MARCHF3: variants seen among roughly 807,000 people sequenced by gnomAD.
MARCHF3 encodes E3 ubiquitin-protein ligase MARCHF3.
In MARCHF3, 13 loss-of-function variants were observed where a neutral mutation model predicts 24.2. That is an observed-to-expected ratio of 0.54 (90% CI 0.35 to 0.85). MARCHF3 has a LOEUF of 0.85. Among genes scored for constraint, MARCHF3 ranks in the 40% least tolerant of loss-of-function variants. The pLI, the probability that MARCHF3 is intolerant of heterozygous loss-of-function variation, is 0.01. For missense variants in MARCHF3, 276 were observed against 325.0 expected, an observed-to-expected ratio of 0.85 and a Z score of 1.16; for synonymous variants, 144 against 137.3, an observed-to-expected ratio of 1.05 and a Z score of -0.34.
chr5:126,969,746 C>T (rs1195197045), intron 1 of MARCHF3, among the ~76,000 whole-genome samples: 2 of 152,314 alleles, frequency 1.3e-5, no homozygotes, highest in African/African-American at 4.8e-5. Context: ...TTTATAAAAA[C>T]CCAGATTCCT....
intron 1 of MARCHF3, among the ~76,000 whole-genome samples, chr5:126,992,460 T>C (rs1751799037): frequency 6.6e-6 from 1 of 152,188 alleles, no homozygotes; most frequent in Admixed American, 6.5e-5. Context: ...AAATAATCAT[T>C]TTCCGTTTGC....
chr5:126,994,024 T>A (rs1376936803), intron 1 of MARCHF3, among the ~76,000 whole-genome samples: 1 of 152,156 alleles, frequency 6.6e-6, no homozygotes, highest in East Asian at 1.9e-4. Flanking sequence ...GATATTTAGG[T>A]AAGAGAAATG....
intron 1 of MARCHF3, among the ~76,000 whole-genome samples, chr5:126,937,188 G>T (rs911088256): frequency 6.6e-6 from 1 of 152,244 alleles, no homozygotes; most frequent in Non-Finnish European, 1.5e-5. Context: ...CCACCACCAA[G>T]TTCATGCCTG....
intron 1 of MARCHF3, among the ~76,000 whole-genome samples, chr5:126,949,173 A>G (rs1750132086): frequency 6.6e-6 from 1 of 152,260 alleles, no homozygotes; most frequent in South Asian, 2.1e-4. Flanking sequence ...GCCAACTCCT[A>G]CATGAACATA....
At chr5:126,935,083 G>C (rs1580659236) in intron 1 of MARCHF3, among the ~76,000 whole-genome samples, 2 of 152,214 alleles carry the variant, frequency 1.3e-5, no homozygotes, top group East Asian at 1.9e-4. Flanking sequence ...GGTTGGGATA[G>C]ATAGGCAGGC....
intron 3 of MARCHF3, among the ~76,000 whole-genome samples, chr5:126,912,308 G>C (rs1024292323): frequency 6.6e-6 from 1 of 152,194 alleles, no homozygotes; most frequent in Non-Finnish European, 1.5e-5. Flanking sequence ...GAAGTCTGAG[G>C]TGTTAAAAGT....
chr5:126,933,380 T>C (rs1416750560), intron 1 of MARCHF3, among the ~76,000 whole-genome samples: 1 of 152,022 alleles, frequency 6.6e-6, no homozygotes, highest in Non-Finnish European at 1.5e-5. Context: ...TTTACAACGA[T>C]AATCACTATG....
chr5:126,906,634 G>C (rs1233235858), intron 3 of MARCHF3, among the ~76,000 whole-genome samples: 2 of 152,268 alleles, frequency 1.3e-5, no homozygotes, highest in Admixed American at 6.5e-5. Context: ...TCTCATGGTA[G>C]TTTGTATTTC....
In MARCHF3 at chr5:126,868,675, T is replaced by C. The variant is rs768535151; in HGVS notation, c.*1958A>G. The stretch of plus-strand genomic sequence containing the variant: ...AGGGAGAAGGGGTATGGTCCTCTCA[T>C]GAATGTTGTGCCATTCAGTTGAGAC... On this transcript the variant is annotated 3_prime_UTR_variant, in exon 5 of 5. Coordinates refer to ENST00000308660, the MANE Select transcript of MARCHF3 (RefSeq NM_178450.5). 5.9e-5 allele frequency: 9 copies of C among 152,242 alleles called. No individual in the cohort carries two copies. Among genetic ancestry groups the C allele is most frequent in the African/African-American group, 1.4e-4 (6 of 41,452 alleles). 9.4% of individuals were successfully genotyped at this position (152,242 alleles called of 1,614,324 possible).
rs925779912 is a variant in MARCHF3 at position 126,927,547 on chromosome 5, C to T, written c.-56-9320G>A. ...ACAGCATGCATCATGGCCTGGGTGGCTGCATCAGTCCCCTGCATCTTGGTA... is the reference window on the plus strand; with the variant it reads ...ACAGCATGCATCATGGCCTGGGTGGTTGCATCAGTCCCCTGCATCTTGGTA... On this transcript the variant is annotated intron_variant, in intron 1 of 4. Coordinates refer to ENST00000308660, the MANE Select transcript of MARCHF3 (RefSeq NM_178450.5). Among the ~76,000 whole-genome samples the T allele has an allele frequency of 7.9e-5, 12 of 152,326 alleles. No individual in the cohort carries two copies. In the East Asian group the frequency reaches 2.1e-3, roughly 27 times the overall value.
At chr5:126,941,494 AAC>A (rs1749829055) in intron 1 of MARCHF3, among the ~76,000 whole-genome samples, 1 of 152,222 alleles carries the variant, frequency 6.6e-6, no homozygotes, top group African/African-American at 2.4e-5. Context: ...ACTTGTTAAA[AAC>A]AGTTTTCAGA....
At chr5:126,908,687 C>G (rs1040473727) in intron 3 of MARCHF3, among the ~76,000 whole-genome samples, 1 of 151,092 alleles carries the variant, frequency 6.6e-6, no homozygotes, top group Non-Finnish European at 1.5e-5. Context: ...CCTTTAAGCA[C>G]TTCTCTGTAT....
chr5:126,905,745 A>G (rs1754267957), intron 3 of MARCHF3, among the ~76,000 whole-genome samples: 1 of 151,908 alleles, frequency 6.6e-6, no homozygotes, highest in African/African-American at 2.4e-5. Flanking sequence ...TAGATATACA[A>G]TCATGTCGTC....
At chr5:126,906,871 G>C (rs1361260030) in intron 3 of MARCHF3, among the ~76,000 whole-genome samples, 1 of 152,048 alleles carries the variant, frequency 6.6e-6, no homozygotes, top group Non-Finnish European at 1.5e-5. Context: ...TTTTGAATGT[G>C]TTTGCTCTTG....
chr5:126,880,975 G>A (rs1753322094), intron 3 of MARCHF3, among the ~76,000 whole-genome samples: 1 of 152,116 alleles, frequency 6.6e-6, no homozygotes, highest in African/African-American at 2.4e-5. Context: ...ACTTATTTAT[G>A]TGGCCCTTGA....
intron 1 of MARCHF3, among the ~76,000 whole-genome samples, chr5:126,967,325 G>A (rs1035184587): frequency 6.6e-6 from 1 of 152,040 alleles, no homozygotes; most frequent in Non-Finnish European, 1.5e-5. Context: ...AAATATGTGC[G>A]TGTCTGAACA....
intron 1 of MARCHF3, among the ~76,000 whole-genome samples, chr5:126,931,033 A>G (rs879875687): frequency 3.9e-5 from 6 of 152,244 alleles, no homozygotes; most frequent in Non-Finnish European, 5.9e-5. Context: ...TCATGTGCCC[A>G]TCTGCATTTC....
At position 126,924,785 on chromosome 5, in the gene MARCHF3, A is replaced by G. The variant is rs116434471; in HGVS notation, c.-56-6558T>C. The stretch of plus-strand genomic sequence containing the variant: ...GATTACCAGCAACATTTAAGTTTTC[A>G]AAAACATGCCAAGGAGGCTATTCAC... On this transcript the variant is annotated intron_variant, in intron 1 of 4. Transcript: ENST00000308660. 4.8e-3 allele frequency among the ~76,000 whole-genome samples: 731 copies of G among 152,380 alleles called. 6 individuals carry two copies. The highest frequency in any genetic ancestry group is 0.017 in the African/African-American group (700 of 41,588).
chr5:126,893,713 T>G (rs1254537948), intron 3 of MARCHF3, among the ~76,000 whole-genome samples: 3 of 130,014 alleles, frequency 2.3e-5, no homozygotes, highest in Non-Finnish European at 4.8e-5. Context: ...CTTCCAAGTA[T>G]GTGGTCAATT....
Sources: gnomAD v4.1 joint callset for allele counts (sites outside exome capture counted in the v4.1 genomes callset) on GRCh38, gnomAD v4.1.1 for gene constraint, MANE v1.5 for transcripts, NCBI Gene and HGNC (gene_info 2026-07-23, HGNC 2026-07-21) for gene names.